SLCO1A2: variants seen among roughly 807,000 people sequenced by gnomAD.
The protein encoded by SLCO1A2 is OATP-1.
SLCO1A2 carries 67 observed loss-of-function variants against 69.0 expected under a neutral mutation model. The ratio of observed to expected loss-of-function variants is 0.97; its 90% CI spans 0.80 to 1.19. The LOEUF (loss-of-function observed/expected upper bound fraction) is 1.19, where lower values mean the gene tolerates loss of function less well. SLCO1A2 is among the 50% of genes most tolerant of loss of function. The pLI is 0.00. For synonymous variants in SLCO1A2, 260 were observed against 265.9 expected, an observed-to-expected ratio of 0.98 and a Z score of 0.22; for missense variants, 787 against 793.7, an observed-to-expected ratio of 0.99 and a Z score of 0.10.
intron 2 of SLCO1A2, among the ~76,000 whole-genome samples, chr12:21,359,763 T>A (rs1426238164): frequency 2.1e-5 from 3 of 139,750 alleles, no homozygotes; most frequent in African/African-American, 5.4e-5. Flanking sequence ...AAAAAAAAAA[T>A]CAATGGACTT....
At chr12:21,388,716 T>C (rs956998003) in intron 1 of SLCO1A2, among the ~76,000 whole-genome samples, 5 of 152,190 alleles carry the variant, frequency 3.3e-5, no homozygotes, top group Non-Finnish European at 7.3e-5. Flanking sequence ...TACTGTGGCA[T>C]TGACCAAAGC....
chr12:21,331,883 T>C (rs1315419970), intron 2 of SLCO1A2, among the ~76,000 whole-genome samples: 1 of 152,032 alleles, frequency 6.6e-6, no homozygotes, highest in Non-Finnish European at 1.5e-5. Flanking sequence ...ATTTAGGGGA[T>C]TGGGGATTCT....
intron 1 of SLCO1A2, among the ~76,000 whole-genome samples, chr12:21,415,798 A>G (rs1941979472): frequency 6.6e-6 from 1 of 152,050 alleles, no homozygotes; most frequent in Non-Finnish European, 1.5e-5. Context: ...AGCTCTTTCA[A>G]TACAAAGACT....
chr12:21,365,092 G>A (rs1017489131), intron 2 of SLCO1A2, among the ~76,000 whole-genome samples: 3 of 152,030 alleles, frequency 2.0e-5, no homozygotes, highest in Admixed American at 6.5e-5. Flanking sequence ...TTGCCAATAC[G>A]ATCCTAAGCC....
upstream of SLCO1A2, among the ~76,000 whole-genome samples, chr12:21,339,672 A>G (rs1334621615): frequency 6.6e-6 from 1 of 151,840 alleles, no homozygotes; most frequent in African/African-American, 2.4e-5. Context: ...GTGGAAAGTC[A>G]CTCCCACTCC....
At chr12:21,379,785 T>C (rs1240511972) in intron 1 of SLCO1A2, 1 of 152,214 alleles carries the variant, frequency 6.6e-6, no homozygotes, top group Non-Finnish European at 1.5e-5. Context: ...AGTGGAAATT[T>C]GACTCATTGA....
intron 2 of SLCO1A2, among the ~76,000 whole-genome samples, chr12:21,358,804 T>C (rs1010853540): frequency 1.3e-3 from 198 of 152,222 alleles, no homozygotes; most frequent in African/African-American, 4.6e-3. Context: ...TTCTAATACA[T>C]AAGTCTAAAT....
At chr12:21,308,918 G>GT (rs1425947932) in intron 4 of SLCO1A2, among the ~76,000 whole-genome samples, 23 of 152,264 alleles carry the variant, frequency 1.5e-4, no homozygotes, top group Admixed American at 1.2e-3. Flanking sequence ...AGAGAAGTCT[G>GT]TAACAGTAAA....
chr12:21,319,451 T>C (rs1951312753), intron 2 of SLCO1A2: 5 of 1,367,538 alleles, frequency 3.7e-6, no homozygotes, highest in African/African-American at 1.5e-5. Flanking sequence ...ATGAGGGAAA[T>C]ATCCAGAACA....
chr12:21,328,199 CT>C (rs1952383152), intron 2 of SLCO1A2, among the ~76,000 whole-genome samples: 1 of 152,130 alleles, frequency 6.6e-6, no homozygotes, highest in Non-Finnish European at 1.5e-5. Flanking sequence ...CATTAAACCC[CT>C]TTTTCTTTAT....
At chr12:21,356,542 CATA>C (rs72296796) in intron 2 of SLCO1A2, among the ~76,000 whole-genome samples, 57,011 of 151,378 alleles carry the variant, frequency 0.38, 10,895 homozygotes, top group East Asian at 0.47. Flanking sequence ...GAGTCATGAT[CATA>C]ATATTTGAAA....
chr12:21,363,340 A>G (rs1939088107), intron 2 of SLCO1A2, among the ~76,000 whole-genome samples: 1 of 152,222 alleles, frequency 6.6e-6, no homozygotes, highest in Non-Finnish European at 1.5e-5. Context: ...ATGTTCTTTG[A>G]AACGAATGAG....
At chr12:21,388,825 C>A (rs975606951) in intron 1 of SLCO1A2, among the ~76,000 whole-genome samples, 6 of 151,934 alleles carry the variant, frequency 3.9e-5, no homozygotes, top group Admixed American at 1.3e-4. Context: ...ATATGTAAGC[C>A]CACAGGTTAA....
chr12:21,418,556 AAG>A (rs1942025075), upstream of SLCO1A2, among the ~76,000 whole-genome samples: 1 of 152,180 alleles, frequency 6.6e-6, no homozygotes, highest in South Asian at 2.1e-4. Context: ...TGCGGCAGAC[AAG>A]AGAGAATGAG....
chr12:21,419,277 C>T (rs184611570), upstream of SLCO1A2: 503 of 158,090 alleles, frequency 3.2e-3, 1 homozygote, highest in African/African-American at 0.011. Flanking sequence ...ACGCAGAAGA[C>T]GGGTGATTTC....
At chr12:21,370,803 G>C (rs1385030386) in intron 2 of SLCO1A2, among the ~76,000 whole-genome samples, 1 of 152,140 alleles carries the variant, frequency 6.6e-6, no homozygotes, top group Non-Finnish European at 1.5e-5. Context: ...GTTTGATGTT[G>C]AACTTTATTT....
At chr12:21,285,969 C>T (rs1565471095) in intron 12 of SLCO1A2, among the ~76,000 whole-genome samples, 1 of 152,176 alleles carries the variant, frequency 6.6e-6, no homozygotes, top group Non-Finnish European at 1.5e-5. Context: ...TGCCCTCTCT[C>T]ACCACTCCTA....
At chr12:21,289,184 CTGTGTGTG>C (rs10636619) in intron 12 of SLCO1A2, among the ~76,000 whole-genome samples, 141 of 136,980 alleles carry the variant, frequency 1.0e-3, no homozygotes, top group African/African-American at 2.9e-3. Context: ...TGGTACCATT[CTGTGTGTG>C]TGTGTGTGTG....
intron 2 of SLCO1A2, chr12:21,319,417 C>G: frequency 3.7e-6 from 5 of 1,367,894 alleles, no homozygotes; most frequent in Non-Finnish European, 4.9e-6. Context: ...AATTCTTGGT[C>G]AGAAACATTC....
Sources: allele counts gnomAD v4.1 joint callset (sites outside exome capture counted in the v4.1 genomes callset), GRCh38; gene constraint gnomAD v4.1.1; transcripts MANE v1.5; gene names NCBI Gene and HGNC (gene_info 2026-07-23, HGNC 2026-07-21).